SORBS2: variants seen among roughly 807,000 people sequenced by gnomAD.
SORBS2 encodes sorbin and SH3 domain-containing protein 2.
SORBS2 carries 46 observed loss-of-function variants against 97.7 expected under a neutral mutation model. The ratio of observed to expected loss-of-function variants is 0.47; its 90% CI spans 0.37 to 0.60. SORBS2 has a LOEUF of 0.60. Among genes scored for constraint, SORBS2 ranks in the 20% least tolerant of loss-of-function variants. SORBS2 has a pLI of 0.00. For synonymous variants in SORBS2, 476 were observed against 473.4 expected, an observed-to-expected ratio of 1.01 and a Z score of -0.07; for missense variants, 1,316 against 1,282.3, an observed-to-expected ratio of 1.03 and a Z score of -0.40.
intron 13 of SORBS2, chr4:185,591,994 G>C (rs1239144890): frequency 2.6e-5 from 4 of 152,220 alleles, no homozygotes; most frequent in African/African-American, 9.7e-5. Context: ...GCCTCTCCTG[G>C]CTTTCAAAGC....
At chr4:185,642,350 TA>T (rs893833211) in intron 4 of SORBS2, among the ~76,000 whole-genome samples, 25 of 152,180 alleles carry the variant, frequency 1.6e-4, no homozygotes, top group Admixed American at 3.9e-4. Flanking sequence ...CATTTTCATA[TA>T]TTTTTTTTTT....
intron 1 of SORBS2, among the ~76,000 whole-genome samples, chr4:185,896,052 C>G (rs1478317966): frequency 1.3e-5 from 2 of 152,104 alleles, no homozygotes; most frequent in African/African-American, 4.8e-5. Context: ...GAACAAGGAT[C>G]AAATGCTCAT....
chr4:185,673,094 T>C (rs1002825255), intron 4 of SORBS2, among the ~76,000 whole-genome samples: 2 of 152,186 alleles, frequency 1.3e-5, no homozygotes, highest in African/African-American at 2.4e-5. Context: ...GAGGACCTTA[T>C]ACCAAGTGAA....
intron 1 of SORBS2, among the ~76,000 whole-genome samples, chr4:185,829,831 G>A (rs2099204189): frequency 6.6e-6 from 1 of 152,070 alleles, no homozygotes; most frequent in African/African-American, 2.4e-5. Context: ...ACAACCCATG[G>A]TTGCTAATTT....
Position 185,642,718 on chromosome 4 carries a change from C to T in SORBS2, c.396+3950G>A, listed in dbSNP as rs1007506340. Among the ~76,000 whole-genome samples the T allele has an allele frequency of 7.6e-4, 116 of 152,300 alleles. 1 individual carries two copies. The highest frequency in any genetic ancestry group is 7.5e-3 in the Admixed American group (114 of 15,298). The stretch of plus-strand genomic sequence containing the variant: ...CTGTTAAAGAACATAAACGCATATG[C>T]CACTGATTCCTAAGGAAGATCTCTT... On this transcript the variant is annotated intron_variant, in intron 4 of 14. Transcript: ENST00000418609.
chr4:185,947,410 A>G (rs2099275041), intron 1 of SORBS2, among the ~76,000 whole-genome samples: 1 of 152,044 alleles, frequency 6.6e-6, no homozygotes, highest in Non-Finnish European at 1.5e-5. Flanking sequence ...TCCTAGGTTA[A>G]TTCACTTTTT....
At chr4:185,660,704 A>G (rs920384025), upstream of SORBS2, among the ~76,000 whole-genome samples, 1 of 152,140 alleles carries the variant, frequency 6.6e-6, no homozygotes, top group Non-Finnish European at 1.5e-5. Context: ...AAGGAGGTGC[A>G]CTGTCTGTGT....
intron 2 of SORBS2, among the ~76,000 whole-genome samples, chr4:185,720,717 G>T (rs1175098047): frequency 6.6e-6 from 1 of 152,188 alleles, no homozygotes; most frequent in Non-Finnish European, 1.5e-5. Context: ...TGGAGACCTT[G>T]AGGATGCATT....
intron 2 of SORBS2, among the ~76,000 whole-genome samples, chr4:185,739,723 A>G (rs975070029): frequency 6.6e-6 from 1 of 152,210 alleles, no homozygotes; most frequent in African/African-American, 2.4e-5. Context: ...TGCTATGAGG[A>G]GATGTGACAT....
chr4:185,956,347 G>GTGT (rs2099279512), exon 1 of SORBS2: 1 of 152,224 alleles, frequency 6.6e-6, no homozygotes, highest in Non-Finnish European at 1.5e-5. Flanking sequence ...CATGTACGTG[G>GTGT]TGTTCATCCA....
chr4:185,685,950 A>C (rs917170168), intron 2 of SORBS2, among the ~76,000 whole-genome samples: 1 of 152,328 alleles, frequency 6.6e-6, no homozygotes, highest in Non-Finnish European at 1.5e-5. Flanking sequence ...AGACTTCTAA[A>C]TTTGGAAGAG....
intron 5 of SORBS2, among the ~76,000 whole-genome samples, chr4:185,628,759 C>T (rs1001748990): frequency 3.9e-5 from 6 of 152,310 alleles, no homozygotes; most frequent in Admixed American, 1.3e-4. Flanking sequence ...ATCAGTCAGT[C>T]AATCAATCAG....
At chr4:185,611,701 C>T (rs2096541637) in intron 12 of SORBS2, 79 bp downstream of exon 24, 1 of 1,104,562 alleles carries the variant, frequency 9.1e-7, no homozygotes, top group Non-Finnish European at 1.4e-6. Flanking sequence ...ATATTCTAAT[C>T]TAATATCCTA....
chr4:185,659,729 C>T (rs936788), upstream of SORBS2, among the ~76,000 whole-genome samples: 59,960 of 151,964 alleles, frequency 0.39, 13,024 homozygotes, highest in East Asian at 0.77. Flanking sequence ...CTAAGCTAGT[C>T]CTTATTAAGA....
intron 2 of SORBS2, among the ~76,000 whole-genome samples, chr4:185,749,280 G>A (rs752148298): frequency 7.2e-5 from 11 of 152,160 alleles, no homozygotes; most frequent in African/African-American, 2.4e-4. Flanking sequence ...ATGGCCTGAG[G>A]TTGTTGCCAA....
At chr4:185,693,470 A>G (rs2098127945) in intron 2 of SORBS2, among the ~76,000 whole-genome samples, 1 of 152,178 alleles carries the variant, frequency 6.6e-6, no homozygotes, top group Non-Finnish European at 1.5e-5. Flanking sequence ...TTAAATGGAC[A>G]AAATAAATGG....
intron 2 of SORBS2, among the ~76,000 whole-genome samples, chr4:185,718,212 C>T (rs2098482185): frequency 6.6e-6 from 1 of 151,094 alleles, no homozygotes; most frequent in Admixed American, 6.6e-5. Context: ...GCCTGGGTGT[C>T]AGAGTGTCTG....
intron 1 of SORBS2, among the ~76,000 whole-genome samples, chr4:185,803,856 C>A (rs2099141810): frequency 6.6e-6 from 1 of 152,136 alleles, no homozygotes; most frequent in African/African-American, 2.4e-5. Flanking sequence ...TGAGTTACTG[C>A]CCTAAGACAG....
intron 4 of SORBS2, among the ~76,000 whole-genome samples, chr4:185,637,544 G>A (rs1365564626): frequency 6.6e-6 from 1 of 152,158 alleles, no homozygotes; most frequent in Non-Finnish European, 1.5e-5. Context: ...TTCTTTAACA[G>A]GCTCTGCGTT....
Sources: allele counts gnomAD v4.1 joint callset (sites outside exome capture counted in the v4.1 genomes callset), GRCh38; gene constraint gnomAD v4.1.1; transcripts MANE v1.5; gene names NCBI Gene and HGNC (gene_info 2026-07-23, HGNC 2026-07-21).